Variants in CDCP1 observed in about 807,000 individuals in gnomAD.
CDCP1 encodes the protein CUB domain-containing protein 1.
Under a neutral mutation model 60.2 loss-of-function variants are expected in CDCP1, and 29 were observed. That is an observed-to-expected ratio of 0.48 (90% CI 0.36 to 0.66). CDCP1 has a LOEUF of 0.66. Ranked by LOEUF, CDCP1 falls within the 30% of genes least tolerant of loss-of-function variation. The probability of loss-of-function intolerance (pLI) is 0.00; values close to 1 mark genes in which losing one functional copy is unlikely to be tolerated. For missense variants in CDCP1, 876 were observed against 1,074.3 expected, an observed-to-expected ratio of 0.82 and a Z score of 2.58; for synonymous variants, 387 against 431.1, an observed-to-expected ratio of 0.90 and a Z score of 1.27.
chr3:45,089,130 T>C lies in CDCP1; in HGVS notation c.2005A>G (p.Ile669Val), dbSNP rs745729866. ...LTPRTVDLTVILIAAVGGGVL... is the reference protein window; with the variant it reads ...LTPRTVDLTVVLIAAVGGGVL... The stretch of plus-strand genomic sequence containing the variant: ...CCACCTCCCACCGCTGCGATGAGGA[T>C]GACAGTCAAGTCTGTGAGCAGAGAC... The change falls in exon 8 of 9, where the codon ATC becomes GTC. Residue 669 changes from isoleucine (I) to valine (V), a missense_variant. Transcript: ENST00000296129. 3.3e-5 allele frequency: 53 copies of C among 1,613,848 alleles called. No individual in the cohort carries two copies. The highest frequency in any genetic ancestry group is 4.0e-5 in the Non-Finnish European group (47 of 1,179,938).
At chr3:45,089,255 A>C in intron 7 of CDCP1, 114 bp from the exon 8 acceptor site, 1 of 768,378 alleles carries the variant, frequency 1.3e-6, no homozygotes, top group Non-Finnish European at 2.3e-6. Flanking sequence ...AGCGCCATAC[A>C]TGTGGCTCCT....
At chr3:45,124,336 C>T (rs561215932) in intron 1 of CDCP1, among the ~76,000 whole-genome samples, 49 of 152,244 alleles carry the variant, frequency 3.2e-4, no homozygotes, top group African/African-American at 8.4e-4. Flanking sequence ...AATTTGTAGA[C>T]GAATTGGAAC....
Position 45,089,108 on chromosome 3 carries a change from C to T in CDCP1, c.2027G>A (p.Gly676Asp), listed in dbSNP as rs1221275841. The T allele has an allele frequency of 6.2e-7, 1 of 1,614,100 alleles. No homozygotes were observed. ...LTVILIAAVGGGVLLLSALGL... is the reference protein window; with the variant it reads ...LTVILIAAVGDGVLLLSALGL... Reference sequence around the variant, plus strand: ...GAGGGCAGACAGCAGTAAGACTCCACCTCCCACCGCTGCGATGAGGATGAC... The same window carrying T: ...GAGGGCAGACAGCAGTAAGACTCCATCTCCCACCGCTGCGATGAGGATGAC... The change falls in exon 8 of 9, where the codon GGT becomes GAT. Residue 676 changes from glycine to aspartate, a missense_variant. Coordinates refer to ENST00000296129, the MANE Select transcript of CDCP1 (RefSeq NM_022842.5).
chr3:45,140,977 G>A (rs1699278737), intron 1 of CDCP1, among the ~76,000 whole-genome samples: 1 of 152,208 alleles, frequency 6.6e-6, no homozygotes, highest in Admixed American at 6.5e-5. Flanking sequence ...GAGGTGGGTG[G>A]ATTGCTTGAG....
chr3:45,101,408 T>C (rs758211877), intron 4 of CDCP1, among the ~76,000 whole-genome samples: 6 of 152,216 alleles, frequency 3.9e-5, no homozygotes, highest in Non-Finnish European at 8.8e-5. Context: ...ACTGCTTCCC[T>C]GGACCCAACT....
At chr3:45,103,203 C>G (rs1386917266) in intron 4 of CDCP1, among the ~76,000 whole-genome samples, 1 of 152,148 alleles carries the variant, frequency 6.6e-6, no homozygotes, top group East Asian at 1.9e-4. Flanking sequence ...TCTGGCTGCC[C>G]TGGAACTTCA....
chr3:45,115,353 C>T (rs987454229), intron 2 of CDCP1, among the ~76,000 whole-genome samples: 43 of 152,274 alleles, frequency 2.8e-4, no homozygotes, highest in African/African-American at 1.0e-3. Flanking sequence ...GTTTATCCCT[C>T]CAGACTTTGG....
intron 1 of CDCP1, among the ~76,000 whole-genome samples, chr3:45,142,855 T>C (rs1338499315): frequency 1.3e-5 from 2 of 152,244 alleles, no homozygotes; most frequent in African/African-American, 4.8e-5. Context: ...AGAGCCTCTC[T>C]ACTCTTCATC....
intron 1 of CDCP1, among the ~76,000 whole-genome samples, chr3:45,121,128 A>T (rs1016127100): frequency 6.6e-6 from 1 of 152,224 alleles, no homozygotes; most frequent in Non-Finnish European, 1.5e-5. Context: ...TTTCTCATAG[A>T]CATACTACCA....
Position 45,085,541 on chromosome 3 carries a change from A to G in CDCP1, c.*97T>C, listed in dbSNP as rs1351031422. The G allele has an allele frequency of 9.3e-6, 12 of 1,291,420 alleles. No homozygotes were observed. The highest frequency in any genetic ancestry group is 2.3e-5 in the East Asian group (1 of 43,056). The allele number at this position is 1,291,420 out of a possible 1,614,324, so 80.0% of individuals were successfully genotyped here. On this transcript the variant is annotated 3_prime_UTR_variant, in exon 9 of 9. Coordinates refer to ENST00000296129, the MANE Select transcript of CDCP1 (RefSeq NM_022842.5). This position sits in a 1 kb window ranked among gnomAD's most constrained non-coding sequence, Gnocchi z 4.2. ...GAAAACCTCCTGCTGTTCCTTCTGTATAATTCCTCTTCTTTAGGATTTCTG... is the reference window on the plus strand; with the variant it reads ...GAAAACCTCCTGCTGTTCCTTCTGTGTAATTCCTCTTCTTTAGGATTTCTG...
intron 2 of CDCP1, among the ~76,000 whole-genome samples, chr3:45,117,013 G>A (rs1229817112): frequency 1.3e-5 from 2 of 151,944 alleles, no homozygotes; most frequent in African/African-American, 4.8e-5. Context: ...GACTAGTCAG[G>A]GATTTGTCTA....
intron 2 of CDCP1, among the ~76,000 whole-genome samples, chr3:45,113,838 G>A (rs1375894019): frequency 2.0e-5 from 3 of 152,206 alleles, no homozygotes; most frequent in African/African-American, 7.2e-5. Flanking sequence ...AGTAAAGGTA[G>A]TTCCTATTTT....
intron 1 of CDCP1, among the ~76,000 whole-genome samples, chr3:45,140,022 G>A (rs1699257302): frequency 6.6e-6 from 1 of 152,220 alleles, no homozygotes; most frequent in South Asian, 2.1e-4. Context: ...ATGGCCAGAT[G>A]TTCCCGCCTC....
At chr3:45,145,062 C>G (rs1405064783) in intron 1 of CDCP1, among the ~76,000 whole-genome samples, 1 of 152,030 alleles carries the variant, frequency 6.6e-6, no homozygotes, top group Non-Finnish European at 1.5e-5. Context: ...ATCTACTATG[C>G]AGCAATATGT....
intron 7 of CDCP1, among the ~76,000 whole-genome samples, chr3:45,090,652 C>T (rs1304617935): frequency 2.6e-5 from 4 of 152,108 alleles, no homozygotes; most frequent in African/African-American, 9.7e-5. Flanking sequence ...AAAATCTAGG[C>T]TGGCCAAAAG....
chr3:45,097,657 C>A (rs1279413475), intron 4 of CDCP1, among the ~76,000 whole-genome samples: 10 of 152,182 alleles, frequency 6.6e-5, no homozygotes, highest in African/African-American at 1.9e-4. Flanking sequence ...CCAAAAAGGC[C>A]TGCTAAACTT....
chr3:45,109,385 G>GCACGCCAT (rs1698648891), intron 4 of CDCP1, among the ~76,000 whole-genome samples: 1 of 152,012 alleles, frequency 6.6e-6, no homozygotes, highest in Admixed American at 6.6e-5. Flanking sequence ...AAAAACAGCA[G>GCACGCCAT]CACGCCATTC....
At chr3:45,106,481 C>A (rs1027030842) in intron 4 of CDCP1, among the ~76,000 whole-genome samples, 3 of 152,186 alleles carry the variant, frequency 2.0e-5, no homozygotes, top group African/African-American at 7.2e-5. Flanking sequence ...TCTTATGGTG[C>A]AACTGGCTCT....
In CDCP1 at chr3:45,112,120, G is replaced by C. The variant is rs1698704362; in HGVS notation, c.618C>G (p.Val206=). The change falls in exon 3 of 9, where the codon GTC becomes GTG. Residue 206 remains valine, a synonymous_variant. Transcript: ENST00000296129. ...LHLPWFHPRN[V]SGFSIANRSS... ...AGCGGTTTGCAATGCTGAAGCCGGAGACATTTCTGGGGTGGAACCATGGGA... is the reference window on the plus strand; with the variant it reads ...AGCGGTTTGCAATGCTGAAGCCGGACACATTTCTGGGGTGGAACCATGGGA... 6.2e-7 allele frequency: 1 copy of C among 1,614,034 alleles called. No individual in the cohort carries two copies. The highest frequency in any genetic ancestry group is 8.5e-7 in the Non-Finnish European group (1 of 1,180,012).
Sources: gnomAD v4.1 joint callset for allele counts (sites outside exome capture counted in the v4.1 genomes callset) on GRCh38, gnomAD v4.1.1 for gene constraint, Gnocchi (gnomAD v3.1) non-coding constraint, MANE v1.5 for transcripts, NCBI Gene and HGNC (gene_info 2026-07-23, HGNC 2026-07-21) for gene names.